Variants in UVRAG observed in about 807,000 individuals in gnomAD.
UVRAG encodes UV radiation resistance-associated gene protein.
In UVRAG, 19 loss-of-function variants were observed where a neutral mutation model predicts 78.0. That is an observed-to-expected ratio of 0.24 (90% CI 0.17 to 0.36). UVRAG has a LOEUF of 0.36. UVRAG is among the 10% of genes least tolerant of loss of function. The pLI is 1.00. For synonymous variants in UVRAG, 323 were observed against 324.6 expected (o/e 1.00, Z 0.05); for missense variants, 740 against 853.8 (o/e 0.87, Z 1.66).
At chr11:75,819,284 T>G (rs187441471) in intron 1 of UVRAG, among the ~76,000 whole-genome samples, 3 of 152,228 alleles carry the variant, frequency 2.0e-5, no homozygotes, top group Non-Finnish European at 4.4e-5. Flanking sequence ...TTTGCTTCTA[T>G]GTGATCTTAC....
chr11:75,893,243 A>G (rs1269213586), intron 5 of UVRAG, among the ~76,000 whole-genome samples: 3 of 152,154 alleles, frequency 2.0e-5, no homozygotes, highest in South Asian at 4.2e-4. Context: ...GGCAATAAAC[A>G]TCTCCCAAAC....
chr11:75,892,575 G>C (rs1381910399), intron 5 of UVRAG, among the ~76,000 whole-genome samples: 2 of 152,162 alleles, frequency 1.3e-5, no homozygotes, highest in African/African-American at 4.8e-5. Flanking sequence ...TCCCTGAGTA[G>C]CAGAGCTGCG....
At chr11:75,856,258 C>T (rs1044583975) in intron 2 of UVRAG, among the ~76,000 whole-genome samples, 1 of 152,160 alleles carries the variant, frequency 6.6e-6, no homozygotes, top group Non-Finnish European at 1.5e-5. Context: ...CTGCCTCGGC[C>T]TCCAAAAGTG....
At position 76,141,137 on chromosome 11, in the gene UVRAG, C is replaced by T. The variant is rs748195422; in HGVS notation, c.1824C>T (p.Ser608=). The T allele has an allele frequency of 3.8e-5, 61 of 1,614,038 alleles. No homozygotes were observed. The highest frequency in any genetic ancestry group is 1.6e-4 in the Middle Eastern group (1 of 6,082). Residue 608 remains serine, a synonymous_variant, in exon 15 of 15, where the codon TCC becomes TCT. Coordinates refer to ENST00000356136, the MANE Select transcript of UVRAG (RefSeq NM_003369.4). ...GTLLPSEQAG[S]ASVQLPGEFH... ...TCCTACCCAGCGAGCAGGCCGGGTCCGCCAGTGTCCAGCTTCCAGGCGAGT... is the reference window on the plus strand; with the variant it reads ...TCCTACCCAGCGAGCAGGCCGGGTCTGCCAGTGTCCAGCTTCCAGGCGAGT...
chr11:76,126,662 C>T (rs1214734425), intron 14 of UVRAG, among the ~76,000 whole-genome samples: 1 of 152,146 alleles, frequency 6.6e-6, no homozygotes, highest in Non-Finnish European at 1.5e-5. Context: ...TTTCTCAACA[C>T]ATTGCCAAAA....
intron 14 of UVRAG, among the ~76,000 whole-genome samples, chr11:76,129,851 C>T (rs10899157): frequency 0.052 from 7,861 of 152,084 alleles, 313 homozygotes; most frequent in East Asian, 0.22. Flanking sequence ...CCAGAGTGCA[C>T]TTTCCAAAGT....
chr11:75,877,938 G>T (rs1170606622), intron 3 of UVRAG, among the ~76,000 whole-genome samples: 1 of 150,896 alleles, frequency 6.6e-6, no homozygotes, highest in Non-Finnish European at 1.5e-5. Context: ...CCTCCTGGAC[G>T]GGGCGGCTGG....
At chr11:75,840,793 C>T (rs978741982) in intron 1 of UVRAG, among the ~76,000 whole-genome samples, 2 of 152,188 alleles carry the variant, frequency 1.3e-5, no homozygotes, top group Non-Finnish European at 1.5e-5. Context: ...TAGCCCCAGG[C>T]ACTAGTTTTA....
At chr11:75,890,998 A>T (rs957445018) in intron 5 of UVRAG, among the ~76,000 whole-genome samples, 1 of 152,058 alleles carries the variant, frequency 6.6e-6, no homozygotes, top group African/African-American at 2.4e-5. Context: ...ATCAAATAGG[A>T]GGACCAAAAA....
At chr11:76,077,727 C>G (rs1362134952) in intron 13 of UVRAG, among the ~76,000 whole-genome samples, 2 of 152,138 alleles carry the variant, frequency 1.3e-5, no homozygotes, top group Non-Finnish European at 2.9e-5. Flanking sequence ...AATTCAGACC[C>G]TAATATCTGA....
chr11:75,943,846 C>G (rs60943185), intron 6 of UVRAG, among the ~76,000 whole-genome samples: 4,524 of 152,200 alleles, frequency 0.03, 243 homozygotes, highest in African/African-American at 0.1. Context: ...TTCTTCCCAA[C>G]TATGTGCATG....
chr11:76,041,374 C>T (rs1950646115), intron 12 of UVRAG, among the ~76,000 whole-genome samples: 2 of 152,176 alleles, frequency 1.3e-5, no homozygotes, highest in African/African-American at 2.4e-5. Flanking sequence ...CCAGCTGCTG[C>T]GTGGAACCCC....
rs58434340 is a variant in UVRAG, at chr11:75,876,993, C to T, written c.271-2886C>T. On this transcript the variant is annotated intron_variant, in intron 3 of 14. Transcript: ENST00000356136. ...TGGTTTTCCTAGGCAGAGGACCCTG[C>T]GGCCTTCCGCAGTGTTTGTGTCCCT... Among the ~76,000 whole-genome samples, 9 of 150,378 alleles carry T rather than the reference C, an allele frequency of 6.0e-5. No individual in the cohort carries two copies. The South Asian group carries it at 1.1e-3, about 18-fold the overall frequency.
At chr11:76,095,257 G>A (rs185039021) in intron 13 of UVRAG, among the ~76,000 whole-genome samples, 3 of 152,094 alleles carry the variant, frequency 2.0e-5, no homozygotes, top group Admixed American at 6.5e-5. Context: ...AGTACCTAGG[G>A]CCACCAGTTC....
chr11:75,973,890 C>CT (rs933334717), intron 7 of UVRAG, among the ~76,000 whole-genome samples: 17 of 152,168 alleles, frequency 1.1e-4, no homozygotes, highest in African/African-American at 4.1e-4. Flanking sequence ...TGAACTCATC[C>CT]TTTTTTATGG....
intron 14 of UVRAG, among the ~76,000 whole-genome samples, chr11:76,136,150 C>G (rs1952593978): frequency 6.6e-6 from 1 of 152,164 alleles, no homozygotes; most frequent in Admixed American, 6.5e-5. Flanking sequence ...CTCCCTTTCT[C>G]TCTTTAGGCA....
At chr11:76,116,896 T>A (rs1439578671) in intron 14 of UVRAG, among the ~76,000 whole-genome samples, 2 of 152,206 alleles carry the variant, frequency 1.3e-5, no homozygotes, top group Non-Finnish European at 2.9e-5. Flanking sequence ...TTACTTTGAT[T>A]TTCAAAACGG....
intron 1 of UVRAG, among the ~76,000 whole-genome samples, chr11:75,850,671 GT>G (rs1429015648): frequency 6.6e-6 from 1 of 152,216 alleles, no homozygotes; most frequent in African/African-American, 2.4e-5. Flanking sequence ...TGTTTTTAAA[GT>G]TTTGACTGAA....
chr11:75,908,899 CTACAT>C (rs1947677264), intron 5 of UVRAG, among the ~76,000 whole-genome samples: 1 of 151,768 alleles, frequency 6.6e-6, no homozygotes, highest in South Asian at 2.1e-4. Flanking sequence ...ATCATTTTGT[CTACAT>C]TATCTGATTT....
Sources: gnomAD v4.1 joint callset for allele counts (sites outside exome capture counted in the v4.1 genomes callset) on GRCh38, gnomAD v4.1.1 for gene constraint, MANE v1.5 for transcripts, NCBI Gene and HGNC (gene_info 2026-07-23, HGNC 2026-07-21) for gene names.